BAALC: variants seen among roughly 807,000 people sequenced by gnomAD.
BAALC encodes brain and acute leukemia cytoplasmic protein.
In BAALC, 9 loss-of-function variants were observed where a neutral mutation model predicts 15.5. The ratio of observed to expected loss-of-function variants is 0.58; its 90% CI spans 0.35 to 1.02. The LOEUF is 1.02. Among genes scored for constraint, BAALC ranks in the 50% least tolerant of loss-of-function variants. The pLI, the probability that BAALC is intolerant of heterozygous loss-of-function variation, is 0.02. For synonymous variants in BAALC, 80 were observed against 74.6 expected (o/e 1.07, Z -0.37); for missense variants, 201 against 192.4 (o/e 1.04, Z -0.27).
At chr8:103,143,554 G>T (rs935187955) in intron 1 of BAALC, among the ~76,000 whole-genome samples, 1 of 152,266 alleles carries the variant, frequency 6.6e-6, no homozygotes, top group African/African-American at 2.4e-5. Context: ...AGTCAGCCAC[G>T]TGAGTCAAAT....
intron 1 of BAALC, among the ~76,000 whole-genome samples, chr8:103,182,167 C>G (rs1040682091): frequency 1.3e-5 from 2 of 152,178 alleles, no homozygotes; most frequent in Non-Finnish European, 2.9e-5. Flanking sequence ...CCAAGGAACC[C>G]CCATTTCTTC....
chr8:103,165,242 A>C (rs956221033), intron 1 of BAALC, among the ~76,000 whole-genome samples: 2 of 152,178 alleles, frequency 1.3e-5, no homozygotes, highest in African/African-American at 2.4e-5. Flanking sequence ...GATTTCTACC[A>C]GCGTTCTGAA....
Position 103,141,072 on chromosome 8 carries a change from C to G in BAALC, c.160+15C>G. The G allele has an allele frequency of 2.1e-6, 3 of 1,443,298 alleles. No individual in the cohort carries two copies. The highest frequency in any genetic ancestry group is 2.7e-6 in the Non-Finnish European group (3 of 1,102,246). The allele number at this position is 1,443,298 out of a possible 1,614,324, so 89.4% of individuals were successfully genotyped here. A position where few individuals can be genotyped will look rare whatever the true frequency, so the allele number is the denominator to read the frequency against. ...CCTGCACTCGGGTAAGTGGCCGGGC[C>G]CCTGCAGACCCTCGCCCGCCCGCTA... On this transcript the variant is annotated intron_variant, in intron 1 of 2. Coordinates refer to ENST00000309982, the MANE Select transcript of BAALC (RefSeq NM_024812.3).
intron 1 of BAALC, among the ~76,000 whole-genome samples, chr8:103,167,036 A>C (rs913073886): frequency 6.6e-6 from 1 of 152,234 alleles, no homozygotes; most frequent in Non-Finnish European, 1.5e-5. Context: ...GAGTCTCTTA[A>C]GTCCACTATT....
chr8:103,222,164 A>G (rs942774036), intron 2 of BAALC, among the ~76,000 whole-genome samples: 2 of 152,158 alleles, frequency 1.3e-5, no homozygotes, highest in Admixed American at 6.5e-5. Flanking sequence ...TATTGTGTAG[A>G]GGAAGCTCTT....
chr8:103,227,308 A>G (rs1329630244), intron 2 of BAALC, among the ~76,000 whole-genome samples: 2 of 152,248 alleles, frequency 1.3e-5, no homozygotes, highest in African/African-American at 2.4e-5. Context: ...GGGAAAGTTA[A>G]GCTTAGGAGC....
At chr8:103,176,768 G>A (rs115561031) in intron 1 of BAALC, among the ~76,000 whole-genome samples, 2,223 of 152,284 alleles carry the variant, frequency 0.015, 55 homozygotes, top group African/African-American at 0.051. Flanking sequence ...GTTGGCTGAA[G>A]TTTTATCTTG....
chr8:103,198,280 A>T, intron 1 of BAALC: 1 of 550,658 alleles, frequency 1.8e-6, no homozygotes, highest in Non-Finnish European at 3.2e-6. Flanking sequence ...ATATTTGATG[A>T]TTAAATGTGA....
At chr8:103,194,780 A>G (rs1002011905) in intron 1 of BAALC, among the ~76,000 whole-genome samples, 3 of 152,190 alleles carry the variant, frequency 2.0e-5, no homozygotes, top group Non-Finnish European at 4.4e-5. Flanking sequence ...ACATGGCAGA[A>G]GAGACAAAGG....
intron 2 of BAALC, among the ~76,000 whole-genome samples, chr8:103,227,635 C>G (rs976405938): frequency 6.6e-6 from 1 of 152,190 alleles, no homozygotes; most frequent in Admixed American, 6.5e-5. Flanking sequence ...GAGCATGAGA[C>G]AAATGCATAT....
intron 1 of BAALC, among the ~76,000 whole-genome samples, chr8:103,173,400 G>A (rs1437173590): frequency 3.3e-5 from 5 of 152,134 alleles, no homozygotes; most frequent in Admixed American, 3.3e-4. Context: ...CACACTTCAA[G>A]ACTATTGAAG....
chr8:103,167,419 G>T (rs750007840), intron 1 of BAALC, among the ~76,000 whole-genome samples: 1 of 152,178 alleles, frequency 6.6e-6, no homozygotes, highest in Non-Finnish European at 1.5e-5. Context: ...AATGGAGCTA[G>T]TGCTGCTGAA....
chr8:103,192,217 A>C (rs1403261598), intron 1 of BAALC, among the ~76,000 whole-genome samples: 1 of 152,058 alleles, frequency 6.6e-6, no homozygotes, highest in African/African-American at 2.4e-5. Flanking sequence ...ACCCCTGGCT[A>C]ATTTTGGTAC....
At chr8:103,178,128 T>G (rs1811645401) in intron 1 of BAALC, among the ~76,000 whole-genome samples, 1 of 152,202 alleles carries the variant, frequency 6.6e-6, no homozygotes, top group African/African-American at 2.4e-5. Context: ...TCAAAGTATA[T>G]TTCTCAAAAT....
chr8:103,216,237 G>T (rs1421078504), intron 2 of BAALC, among the ~76,000 whole-genome samples: 1 of 152,162 alleles, frequency 6.6e-6, no homozygotes, highest in Admixed American at 6.5e-5. Flanking sequence ...ATGTTTGTGT[G>T]CATGGTTTGG....
chr8:103,199,298 C>G (rs1004552317), intron 1 of BAALC, among the ~76,000 whole-genome samples: 1 of 152,188 alleles, frequency 6.6e-6, no homozygotes, highest in African/African-American at 2.4e-5. Context: ...TAACACACAT[C>G]CTTTCAACAT....
intron 2 of BAALC, among the ~76,000 whole-genome samples, chr8:103,223,997 T>A (rs1373305120): frequency 6.6e-6 from 1 of 152,172 alleles, no homozygotes; most frequent in Non-Finnish European, 1.5e-5. Flanking sequence ...GGAATGGAAG[T>A]CAGATGGAAT....
intron 1 of BAALC, among the ~76,000 whole-genome samples, chr8:103,149,172 C>T (rs1426618113): frequency 1.3e-3 from 1 of 760 alleles, no homozygotes; most frequent in Non-Finnish European, 3.5e-3. Context: ...TAGTACCCTC[C>T]CCCCACCCCA....
intron 1 of BAALC, among the ~76,000 whole-genome samples, chr8:103,208,759 C>T (rs1204602297): frequency 1.3e-5 from 2 of 152,172 alleles, no homozygotes; most frequent in Non-Finnish European, 2.9e-5. Flanking sequence ...GGATATATTC[C>T]CTGCTGCCTG....
Sources: allele counts gnomAD v4.1 joint callset (sites outside exome capture counted in the v4.1 genomes callset), GRCh38; gene constraint gnomAD v4.1.1; transcripts MANE v1.5; gene names NCBI Gene and HGNC (gene_info 2026-07-23, HGNC 2026-07-21).